Variants in HDAC9 observed in about 807,000 individuals in gnomAD.
HDAC9 encodes histone deacetylase 9, also known as MEF-2 interacting transcription repressor (MITR) protein.
Under a neutral mutation model 139.4 loss-of-function variants are expected in HDAC9, and 41 were observed. That is an observed-to-expected ratio of 0.29 (90% CI 0.23 to 0.38). The LOEUF (loss-of-function observed/expected upper bound fraction) is 0.38. Among genes scored for constraint, HDAC9 ranks in the 10% least tolerant of loss-of-function variants. HDAC9 has a pLI of 1.00. For synonymous variants in HDAC9, 517 were observed against 476.2 expected (o/e 1.09, Z -1.12); for missense variants, 1,147 against 1,297.0 (o/e 0.88, Z 1.78).
At position 18,849,102 on chromosome 7, in the gene HDAC9, G is replaced by A. The variant is rs1042664234; in HGVS notation, c.2684+13105G>A. ...TAGTGGGCATTTTAAACAGTCCATC[G>A]CTAATTCAGTAAACATGATAAAAGT... On this transcript the variant is annotated intron_variant, in intron 21 of 25. Coordinates refer to ENST00000686413, the MANE Select transcript of HDAC9 (RefSeq NM_178425.4). 2.4e-4 allele frequency among the ~76,000 whole-genome samples: 37 copies of A among 152,124 alleles called. 1 individual carries two copies. The highest frequency in any genetic ancestry group is 1.1e-3 in the Admixed American group (17 of 15,264).
chr7:18,787,822 T>C (rs1316595853), intron 16 of HDAC9, among the ~76,000 whole-genome samples: 1 of 152,212 alleles, frequency 6.6e-6, no homozygotes, highest in African/African-American at 2.4e-5. Context: ...TGTTATTTAT[T>C]TTTTCTCCCA....
At chr7:18,300,895 A>G (rs1453837252) in intron 1 of HDAC9, among the ~76,000 whole-genome samples, 5 of 152,178 alleles carry the variant, frequency 3.3e-5, no homozygotes, top group African/African-American at 9.6e-5. Flanking sequence ...TGAAACCCCT[A>G]AAGTCATGGA....
chr7:18,336,334 C>G (rs1781581404), intron 1 of HDAC9, among the ~76,000 whole-genome samples: 2 of 151,618 alleles, frequency 1.3e-5, no homozygotes, highest in Non-Finnish European at 3.0e-5. Context: ...CCTAACCTCT[C>G]TCTTTGTGTC....
At chr7:18,486,364 T>C (rs1007611425) in intron 1 of HDAC9, among the ~76,000 whole-genome samples, 8 of 152,268 alleles carry the variant, frequency 5.3e-5, no homozygotes, top group Admixed American at 1.3e-4. Flanking sequence ...CTCTCTGATC[T>C]AGAAAGTATA....
intron 22 of HDAC9, among the ~76,000 whole-genome samples, chr7:18,929,895 C>T (rs773977231): frequency 1.3e-4 from 20 of 151,818 alleles, no homozygotes; most frequent in African/African-American, 4.6e-4. Context: ...GCTGAGATCA[C>T]GCCACTGCAC....
At chr7:18,155,396 C>T (rs1341253091) in intron 1 of HDAC9, among the ~76,000 whole-genome samples, 1 of 152,150 alleles carries the variant, frequency 6.6e-6, no homozygotes, top group Non-Finnish European at 1.5e-5. Context: ...ACGAAAAGGT[C>T]TGTTTTTATT....
In HDAC9 at chr7:18,188,629, G is replaced by A. The variant is rs1319922064; in HGVS notation, c.25+26280G>A. On this transcript the variant is annotated intron_variant, in intron 2 of 12. Coordinates refer to the HDAC9 transcript ENST00000417496. ...AAGGTCTAATATCCAGAATTTACAG[G>A]GAACTTAAACATATTTACAAGAAAA... Among the ~76,000 whole-genome samples the A allele has an allele frequency of 5.9e-5, 9 of 151,976 alleles. No homozygotes were observed. The East Asian group carries it at 1.7e-3, about 29-fold the overall frequency.
intron 6 of HDAC9, among the ~76,000 whole-genome samples, chr7:18,601,445 A>G (rs1833914507): frequency 6.6e-6 from 1 of 150,640 alleles, no homozygotes; most frequent in African/African-American, 2.4e-5. Flanking sequence ...TTCATTCCCA[A>G]TCTGTATGCC....
intron 22 of HDAC9, among the ~76,000 whole-genome samples, chr7:18,909,863 G>A (rs540621225): frequency 1.7e-3 from 257 of 152,082 alleles, no homozygotes; most frequent in Non-Finnish European, 3.0e-3. Context: ...TTATAGGCTT[G>A]TAGTATATTT....
intron 25 of HDAC9, among the ~76,000 whole-genome samples, chr7:18,991,454 G>A (rs11983126): frequency 0.019 from 2,858 of 152,166 alleles, 83 homozygotes; most frequent in African/African-American, 0.065. Flanking sequence ...TGGCTAACAC[G>A]GTGAAACCCT....
upstream of HDAC9, among the ~76,000 whole-genome samples, chr7:18,492,540 G>T (rs1796448874): frequency 6.6e-6 from 1 of 151,456 alleles, no homozygotes; most frequent in African/African-American, 2.4e-5. Context: ...CTTTTTCTTT[G>T]ACCTATGTGT....
intron 1 of HDAC9, among the ~76,000 whole-genome samples, chr7:18,138,963 C>G (rs60401540): frequency 0.024 from 3,622 of 152,140 alleles, 151 homozygotes; most frequent in African/African-American, 0.082. Flanking sequence ...TGCTTACTAG[C>G]AGTTCTAGTA....
At chr7:18,407,543 A>G (rs1285689639) in intron 1 of HDAC9, among the ~76,000 whole-genome samples, 1 of 151,400 alleles carries the variant, frequency 6.6e-6, no homozygotes, top group African/African-American at 2.4e-5. Context: ...TCAGTTCACC[A>G]GGTAAGATCT....
At chr7:18,372,488 A>T (rs1236483558) in intron 1 of HDAC9, among the ~76,000 whole-genome samples, 1 of 152,238 alleles carries the variant, frequency 6.6e-6, no homozygotes, top group Admixed American at 6.5e-5. Flanking sequence ...ACCACGTCAG[A>T]TGTTAAATGA....
intron 2 of HDAC9, among the ~76,000 whole-genome samples, chr7:18,174,808 C>T (rs1000275887): frequency 6.6e-6 from 1 of 152,154 alleles, no homozygotes; most frequent in Admixed American, 6.5e-5. Context: ...ATATTGCTGC[C>T]TGATCCTTCC....
At chr7:18,904,903 T>C (rs1354582167) in intron 22 of HDAC9, among the ~76,000 whole-genome samples, 1 of 148,424 alleles carries the variant, frequency 6.7e-6, no homozygotes, top group African/African-American at 2.5e-5. Flanking sequence ...AACTAGTTTG[T>C]TTTGTTTTGT....
At chr7:18,817,690 T>C (rs1444300920) in intron 17 of HDAC9, among the ~76,000 whole-genome samples, 4 of 152,180 alleles carry the variant, frequency 2.6e-5, no homozygotes, top group African/African-American at 7.2e-5. Context: ...CGTGTACACA[T>C]GGCAAGCAAG....
intron 2 of HDAC9, among the ~76,000 whole-genome samples, chr7:18,173,736 GA>G (rs1788648371): frequency 6.6e-6 from 1 of 152,158 alleles, no homozygotes; most frequent in Non-Finnish European, 1.5e-5. Context: ...ATTCTGGGTT[GA>G]AAATTCTTTT....
At chr7:18,924,123 TA>T (rs1402609278) in intron 22 of HDAC9, among the ~76,000 whole-genome samples, 2 of 150,302 alleles carry the variant, frequency 1.3e-5, no homozygotes, top group Admixed American at 6.6e-5. Flanking sequence ...TTGCCTGTTT[TA>T]AAAAAAAGGA....
Sources: gnomAD v4.1 joint callset for allele counts (sites outside exome capture counted in the v4.1 genomes callset) on GRCh38, gnomAD v4.1.1 for gene constraint, MANE v1.5 for transcripts, NCBI Gene and HGNC (gene_info 2026-07-23, HGNC 2026-07-21) for gene names.